Variants in ARMC2 observed in about 807,000 individuals in gnomAD.
The protein encoded by ARMC2 is armadillo repeat containing 2, also known as armadillo repeat-containing protein 2.
ARMC2 carries 67 observed loss-of-function variants against 90.3 expected under a neutral mutation model. The ratio of observed to expected loss-of-function variants is 0.74; its 90% CI spans 0.61 to 0.91. The LOEUF (loss-of-function observed/expected upper bound fraction) is 0.91. ARMC2 is among the 40% of genes least tolerant of loss of function. ARMC2 has a pLI of 0.00. For synonymous variants in ARMC2, 393 were observed against 393.0 expected (o/e 1.00, Z 0.00); for missense variants, 920 against 1,030.9 (o/e 0.89, Z 1.47).
intron 5 of ARMC2, among the ~76,000 whole-genome samples, chr6:108,881,960 A>G (rs959538775): frequency 6.6e-6 from 1 of 152,150 alleles, no homozygotes; most frequent in African/African-American, 2.4e-5. Flanking sequence ...CTGTTTAAAG[A>G]TAAATACTAT....
At chr6:108,853,960 C>T (rs1212657622) in intron 1 of ARMC2, among the ~76,000 whole-genome samples, 1 of 152,100 alleles carries the variant, frequency 6.6e-6, no homozygotes, top group African/African-American at 2.4e-5. Context: ...ATTCTGTCTT[C>T]TTTCATGATT....
chr6:108,986,452 A>G, the ARMC2 span: 2 of 152,660 alleles, frequency 1.3e-5, no homozygotes, highest in African/African-American at 4.8e-5. Context: ...TTGGAGAAAA[A>G]TTCTTCTTTA....
At position 108,963,129 on chromosome 6, in the gene ARMC2, G is replaced by A. The variant is rs191342240; in HGVS notation, c.2152+1002G>A. Among the ~76,000 whole-genome samples, 78 of 152,272 alleles carry A rather than the reference G, an allele frequency of 5.1e-4. 1 individual carries two copies. The highest frequency in any genetic ancestry group is 1.8e-3 in the African/African-American group (76 of 41,566). On this transcript the variant is annotated intron_variant, in intron 15 of 17. Coordinates refer to ENST00000392644, the MANE Select transcript of ARMC2 (RefSeq NM_032131.6). Reference sequence around the variant, plus strand: ...AATAAGAATTGTTTATATTTATTATGTACAACATATTGTTTGGAATGTAAT... The same window carrying A: ...AATAAGAATTGTTTATATTTATTATATACAACATATTGTTTGGAATGTAAT...
chr6:109,033,844 T>A, the ARMC2 span, among the ~76,000 whole-genome samples: 1 of 152,222 alleles, frequency 6.6e-6, no homozygotes, highest in Admixed American at 6.5e-5. Flanking sequence ...CCTCTCATAA[T>A]TGATTCCAGC....
chr6:108,894,643 T>C (rs1438544124), intron 6 of ARMC2, 100 bp downstream of exon 6: 2 of 997,168 alleles, frequency 2.0e-6, no homozygotes, highest in East Asian at 2.8e-5. Context: ...CTTAAGGAAG[T>C]TTGTCCAATT....
At chr6:109,000,567 TGAG>T in the ARMC2 span, 3 of 1,612,354 alleles carry the variant, frequency 1.9e-6, no homozygotes, top group Non-Finnish European at 2.5e-6. Context: ...CTGTAGTTTT[TGAG>T]GAGCATTCTC....
chr6:108,987,709 A>G, the ARMC2 span: 2 of 759,108 alleles, frequency 2.6e-6, no homozygotes, highest in Admixed American at 3.9e-5. Flanking sequence ...TAATGAACAC[A>G]TAAAATAAGT....
chr6:108,987,994 A>G, the ARMC2 span, among the ~76,000 whole-genome samples: 1 of 151,992 alleles, frequency 6.6e-6, no homozygotes, highest in Admixed American at 6.6e-5. Flanking sequence ...TAGTATCACC[A>G]TGTTGGACAG....
chr6:108,854,371 A>C lies in ARMC2; in HGVS notation c.104A>C (p.Asn35Thr), dbSNP rs780379838. 1.3e-5 allele frequency: 21 copies of C among 1,613,060 alleles called. No homozygotes were observed. Among genetic ancestry groups the C allele is most frequent in the Middle Eastern group, 1.6e-4 (1 of 6,082 alleles). The stretch of plus-strand genomic sequence containing the variant: ...GCAGAAATCATAAGTGAAGCAAGAA[A>C]TGCATTAAGAACAGTTAGAACCCAA... ...TSAEIISEAR[N>T]ALRTVRTQRP... Residue 35 changes from asparagine (N) to threonine (T), a missense_variant, in exon 2 of 18, where the codon AAT becomes ACT. Coordinates refer to ENST00000392644, the MANE Select transcript of ARMC2 (RefSeq NM_032131.6).
At chr6:109,046,695 C>A in the ARMC2 span, among the ~76,000 whole-genome samples, 1 of 135,300 alleles carries the variant, frequency 7.4e-6, no homozygotes, top group African/African-American at 2.8e-5. Flanking sequence ...TCTGCCCGGC[C>A]GCCCATCGTC....
chr6:109,038,926 G>GAGGAGGAGA, the ARMC2 span, among the ~76,000 whole-genome samples: 13 of 145,486 alleles, frequency 8.9e-5, no homozygotes, highest in African/African-American at 3.1e-4. Flanking sequence ...GGAGGAGGAG[G>GAGGAGGAGA]AGAAGAAAAG....
At chr6:108,964,103 C>G in intron 15 of ARMC2, 77 bp from the exon 16 acceptor site, 1 of 1,526,274 alleles carries the variant, frequency 6.6e-7, no homozygotes, top group African/African-American at 1.4e-5. Context: ...CCCCGTTTCC[C>G]CATACCATCT....
chr6:108,968,280 C>T (rs1452558102), intron 17 of ARMC2, among the ~76,000 whole-genome samples: 1 of 152,144 alleles, frequency 6.6e-6, no homozygotes, highest in African/African-American at 2.4e-5. Context: ...AAGTGGCTTG[C>T]CTGAAGTCAT....
Position 108,962,180 on chromosome 6 carries a change from C to A in ARMC2, c.2152+53C>A. On this transcript the variant is annotated intron_variant, in intron 15 of 17. Transcript: ENST00000392644. The stretch of plus-strand genomic sequence containing the variant: ...ACATTCACTTTTTGCCAATAATCAG[C>A]TGAGTGGTTTTGCAGCTTGAGTCAT... 7.2e-6 allele frequency: 10 copies of A among 1,395,268 alleles called. No individual in the cohort carries two copies. The South Asian group carries it at 1.1e-4, about 16-fold the overall frequency. 86.4% of individuals were successfully genotyped at this position (1,395,268 alleles called of 1,614,324 possible).
intron 12 of ARMC2, among the ~76,000 whole-genome samples, chr6:108,952,121 T>C (rs1777235275): frequency 6.6e-6 from 1 of 152,170 alleles, no homozygotes; most frequent in Admixed American, 6.5e-5. Context: ...TCCAGGCCAG[T>C]TGTAGCCCTC....
At chr6:108,894,378 A>C (rs918935571) in intron 5 of ARMC2, 89 bp from the exon 6 acceptor site, 11 of 1,136,238 alleles carry the variant, frequency 9.7e-6, no homozygotes, top group Non-Finnish European at 1.4e-5. Flanking sequence ...AAAATAATAA[A>C]TAAGAAACTG....
the ARMC2 span, among the ~76,000 whole-genome samples, chr6:109,003,381 G>A: frequency 6.6e-6 from 1 of 151,610 alleles, no homozygotes; most frequent in Admixed American, 6.6e-5. Context: ...ATGGGGTGGG[G>A]GTGGGTGCAC....
chr6:108,927,941 C>T, intron 10 of ARMC2, 147 bp from the exon 11 acceptor site: 1 of 755,826 alleles, frequency 1.3e-6, no homozygotes. Flanking sequence ...TGTGCCTAGG[C>T]TCACATTCCC....
intron 5 of ARMC2, 105 bp from the exon 6 acceptor site, chr6:108,894,362 T>C: frequency 1.1e-6 from 1 of 943,548 alleles, no homozygotes; most frequent in Non-Finnish European, 1.5e-6. Context: ...GAGTGAGACC[T>C]ATCTCAAAAT....
Sources: allele counts gnomAD v4.1 joint callset (sites outside exome capture counted in the v4.1 genomes callset), GRCh38; gene constraint gnomAD v4.1.1; transcripts MANE v1.5; gene names NCBI Gene and HGNC (gene_info 2026-07-23, HGNC 2026-07-21).